The following MCPH1 variants were observed in gnomAD, a reference collection of about 807,000 sequenced individuals.
MCPH1 encodes the protein microcephalin 1, also known as microcephalin.
A neutral mutation model predicts 84.5 loss-of-function variants in MCPH1; 104 were observed. That is an observed-to-expected ratio of 1.23 (90% confidence interval 1.05 to 1.45). The LOEUF (loss-of-function observed/expected upper bound fraction) is 1.45. Ranked by LOEUF, MCPH1 falls within the 40% of genes most tolerant of loss-of-function variation. MCPH1 has a pLI of 0.00. For synonymous variants in MCPH1, 514 were observed against 366.8 expected, an observed-to-expected ratio of 1.40 and a Z score of -4.58; for missense variants, 1,498 against 1,005.7, an observed-to-expected ratio of 1.49 and a Z score of -6.62.
At chr8:6,545,800 C>T (rs1822476346) in intron 12 of MCPH1, among the ~76,000 whole-genome samples, 1 of 152,202 alleles carries the variant, frequency 6.6e-6, no homozygotes, top group Admixed American at 6.5e-5. Flanking sequence ...AATAGTTCTA[C>T]CCATTGCCCA....
At chr8:6,501,159 G>A (rs1237193773) in intron 12 of MCPH1, 4 of 152,192 alleles carry the variant, frequency 2.6e-5, no homozygotes, top group Non-Finnish European at 5.9e-5. Context: ...GTGCACCTTG[G>A]TGGAAATAAA....
intron 12 of MCPH1, chr8:6,527,458 A>G: frequency 4.1e-6 from 6 of 1,461,890 alleles, no homozygotes; most frequent in Non-Finnish European, 5.6e-6. Context: ...CTAGACATGA[A>G]GAAACTCACC....
At chr8:6,503,197 G>T in intron 12 of MCPH1, 1 of 1,614,146 alleles carries the variant, frequency 6.2e-7, no homozygotes, top group Non-Finnish European at 8.5e-7. Context: ...ACTTATTTGT[G>T]TTCTGCCTCT....
intron 9 of MCPH1, among the ~76,000 whole-genome samples, chr8:6,466,663 TCTC>T (rs1806993740): frequency 2.6e-5 from 4 of 151,918 alleles, no homozygotes; most frequent in African/African-American, 9.7e-5. Flanking sequence ...GATGGTCCGA[TCTC>T]CTGACCTCGT....
intron 2 of MCPH1, among the ~76,000 whole-genome samples, chr8:6,412,271 A>T (rs1798645693): frequency 6.6e-6 from 1 of 152,234 alleles, no homozygotes; most frequent in Non-Finnish European, 1.5e-5. Flanking sequence ...CCTAACATTT[A>T]CTTGGGATGA....
chr8:6,641,050 A>AT (rs1251044813), intron 13 of MCPH1, among the ~76,000 whole-genome samples: 1 of 151,682 alleles, frequency 6.6e-6, no homozygotes, highest in Non-Finnish European at 1.5e-5. Context: ...GGTATGTCAA[A>AT]TTTTTTCTCA....
intron 2 of MCPH1, 50 bp from the exon 3 acceptor site, chr8:6,414,715 G>C (rs370885438): frequency 1.9e-6 from 3 of 1,601,308 alleles, no homozygotes; most frequent in East Asian, 2.2e-5. Flanking sequence ...TTGTAGTTAA[G>C]TTGTGAATGA....
At chr8:6,454,579 C>A (rs1439384177) in intron 8 of MCPH1, among the ~76,000 whole-genome samples, 1 of 152,158 alleles carries the variant, frequency 6.6e-6, no homozygotes. Context: ...AGGTTAGCAT[C>A]TAAGGAAACC....
At chr8:6,630,915 C>T (rs1281931076) in intron 13 of MCPH1, among the ~76,000 whole-genome samples, 2 of 151,934 alleles carry the variant, frequency 1.3e-5, no homozygotes, top group Admixed American at 1.3e-4. Flanking sequence ...GGCACCTGTA[C>T]ATGGGAATGG....
At chr8:6,429,624 A>T (rs561819434) in intron 3 of MCPH1, among the ~76,000 whole-genome samples, 2 of 149,770 alleles carry the variant, frequency 1.3e-5, no homozygotes, top group Non-Finnish European at 1.5e-5. Context: ...CTTTACTATC[A>T]TTTTATTGGG....
chr8:6,616,527 A>C (rs1323956122), intron 12 of MCPH1: 1 of 152,266 alleles, frequency 6.6e-6, no homozygotes, highest in African/African-American at 2.4e-5. Flanking sequence ...AAGCACAGCC[A>C]ATGTGGTTTA....
chr8:6,609,064 T>C (rs1368797388), intron 12 of MCPH1, among the ~76,000 whole-genome samples: 1 of 152,200 alleles, frequency 6.6e-6, no homozygotes, highest in Non-Finnish European at 1.5e-5. Context: ...TTCAATGACA[T>C]TGTGGACCTG....
intron 12 of MCPH1, among the ~76,000 whole-genome samples, chr8:6,601,460 C>T (rs1192539197): frequency 5.3e-5 from 8 of 151,774 alleles, no homozygotes; most frequent in Non-Finnish European, 1.2e-4. Context: ...CTGCAGGGAG[C>T]CGGACGTCTG....
chr8:6,519,518 C>T (rs1201505533), intron 12 of MCPH1, among the ~76,000 whole-genome samples: 1 of 152,204 alleles, frequency 6.6e-6, no homozygotes, highest in Non-Finnish European at 1.5e-5. Flanking sequence ...GTTCAACCTT[C>T]AGTTTTTGGA....
At chr8:6,438,722 T>C (rs1803036383) in intron 5 of MCPH1, among the ~76,000 whole-genome samples, 1 of 152,228 alleles carries the variant, frequency 6.6e-6, no homozygotes, top group South Asian at 2.1e-4. Context: ...TATATTGTTC[T>C]TAGCACAGTG....
intron 13 of MCPH1, among the ~76,000 whole-genome samples, chr8:6,641,768 A>T (rs1797951718): frequency 6.6e-6 from 1 of 152,236 alleles, no homozygotes; most frequent in African/African-American, 2.4e-5. Flanking sequence ...TATGTAAATC[A>T]TAATAATACC....
chr8:6,555,032 T>C (rs1158234341), intron 12 of MCPH1, among the ~76,000 whole-genome samples: 1 of 152,230 alleles, frequency 6.6e-6, no homozygotes, highest in Non-Finnish European at 1.5e-5. Context: ...CCTTCCCCTT[T>C]TTTTTAAACC....
intron 3 of MCPH1, among the ~76,000 whole-genome samples, chr8:6,428,451 A>C (rs1801372357): frequency 6.6e-6 from 1 of 152,206 alleles, no homozygotes; most frequent in Non-Finnish European, 1.5e-5. Context: ...GAGTTGTGCA[A>C]CCGTCACCAC....
intron 9 of MCPH1, among the ~76,000 whole-genome samples, chr8:6,465,719 A>C (rs1432710692): frequency 2.0e-5 from 3 of 152,150 alleles, no homozygotes; most frequent in African/African-American, 4.8e-5. Flanking sequence ...ATTTCCACTG[A>C]CATCAGAGAC....
Sources: allele counts gnomAD v4.1 joint callset (sites outside exome capture counted in the v4.1 genomes callset), GRCh38; gene constraint gnomAD v4.1.1; transcripts MANE v1.5; gene names NCBI Gene and HGNC (gene_info 2026-07-23, HGNC 2026-07-21).